The following EDARADD variants were observed in gnomAD, a reference collection of about 807,000 sequenced individuals.
The protein encoded by EDARADD is ectodysplasin-A receptor-associated adapter protein.
Under a neutral mutation model 25.6 loss-of-function variants are expected in EDARADD, and 20 were observed. The observed-to-expected ratio is 0.78, with a 90% confidence interval of 0.55 to 1.14. The LOEUF (loss-of-function observed/expected upper bound fraction) is 1.14. Among genes scored for constraint, EDARADD ranks in the 50% most tolerant of loss-of-function variants. EDARADD has a pLI of 0.00. For synonymous variants in EDARADD, 86 were observed against 94.4 expected (o/e 0.91, Z 0.52); for missense variants, 225 against 270.1 (o/e 0.83, Z 1.17).
At chr1:236,405,866 CTTCCTTCCTTCTTTCTTTCTTTCTTTCT>C (rs1667716415) in intron 1 of EDARADD, among the ~76,000 whole-genome samples, 1 of 40,800 alleles carries the variant, frequency 2.5e-5, no homozygotes, top group African/African-American at 1.2e-4. Flanking sequence ...TCCTTCCTTC[CTTCCTTCCTTCTTTCTTTCTTTCTTTCT>C]TTCTTTCTTT....
At chr1:236,356,936 T>C (rs911642333) in intron 3 of EDARADD, among the ~76,000 whole-genome samples, 8 of 151,846 alleles carry the variant, frequency 5.3e-5, no homozygotes, top group African/African-American at 1.4e-4. Flanking sequence ...ATACAAAAAT[T>C]AGCCGGGCAT....
chr1:236,465,322 G>C (rs1030269966), intron 4 of EDARADD, among the ~76,000 whole-genome samples: 3 of 152,156 alleles, frequency 2.0e-5, no homozygotes, highest in African/African-American at 7.2e-5. Flanking sequence ...CCGGAATGAC[G>C]TCCAGCTCCT....
intron 3 of EDARADD, among the ~76,000 whole-genome samples, chr1:236,363,006 A>AAATATATATATATAT (rs1377112051): frequency 5.1e-4 from 22 of 42,934 alleles, no homozygotes; most frequent in African/African-American, 1.0e-3. Flanking sequence ...AAAAAAAAAA[A>AAATATATATATATAT]ATATATATAT....
chr1:236,459,376 C>T (rs2103031143), intron 4 of EDARADD, among the ~76,000 whole-genome samples: 1 of 152,198 alleles, frequency 6.6e-6, no homozygotes, highest in Non-Finnish European at 1.5e-5. Flanking sequence ...ATCTTTGAAA[C>T]CATAGCAAAG....
intron 3 of EDARADD, among the ~76,000 whole-genome samples, chr1:236,423,231 G>T (rs564151178): frequency 2.3e-4 from 35 of 152,014 alleles, no homozygotes; most frequent in Admixed American, 5.3e-4. Context: ...GAAATATGTT[G>T]CCACCAGAAC....
At chr1:236,470,045 C>T (rs1348921227) in intron 5 of EDARADD, among the ~76,000 whole-genome samples, 1 of 152,168 alleles carries the variant, frequency 6.6e-6, no homozygotes, top group Non-Finnish European at 1.5e-5. Context: ...CCTCCTCCCA[C>T]CTCAGCCATC....
intron 3 of EDARADD, among the ~76,000 whole-genome samples, chr1:236,418,823 C>T (rs603579): frequency 0.52 from 78,418 of 151,958 alleles, 20,789 homozygotes; most frequent in Non-Finnish European, 0.59. Flanking sequence ...GTCCCTGTTC[C>T]CACGGGAAAC....
chr1:236,362,398 T>C (rs938629544), intron 3 of EDARADD, among the ~76,000 whole-genome samples: 12 of 152,212 alleles, frequency 7.9e-5, no homozygotes, highest in African/African-American at 2.2e-4. Flanking sequence ...TTGTGCTGTT[T>C]GTTTTCTTAT....
In EDARADD at chr1:236,366,933, C is replaced by T. The variant is rs571273752; in HGVS notation, c.-6+16094C>T. Among the ~76,000 whole-genome samples the T allele has an allele frequency of 1.0e-3, 157 of 151,704 alleles. 1 individual carries two copies. Among genetic ancestry groups the T allele is most frequent in the Middle Eastern group, 3.4e-3 (1 of 294 alleles). Reference sequence around the variant, plus strand: ...CACTACTAAAAATACAAAAATTAGCCGGGCATGGTGGCACGCACCAGTAGT... The same window carrying T: ...CACTACTAAAAATACAAAAATTAGCTGGGCATGGTGGCACGCACCAGTAGT... On this transcript the variant is annotated intron_variant, in intron 3 of 7. Coordinates refer to the EDARADD transcript ENST00000439430.
At chr1:236,458,879 C>T (rs1658958298) in intron 4 of EDARADD, among the ~76,000 whole-genome samples, 1 of 151,950 alleles carries the variant, frequency 6.6e-6, no homozygotes, top group South Asian at 2.1e-4. Flanking sequence ...TGAGCTCAGG[C>T]GATCTGCCTG....
chr1:236,360,543 T>G (rs1049720394), intron 3 of EDARADD, among the ~76,000 whole-genome samples: 4 of 80,640 alleles, frequency 5.0e-5, no homozygotes, highest in South Asian at 3.5e-4. Flanking sequence ...CACGGTTTTT[T>G]TTTTTTTTTT....
chr1:236,401,060 C>T (rs991033582), intron 1 of EDARADD, among the ~76,000 whole-genome samples: 1 of 152,064 alleles, frequency 6.6e-6, no homozygotes, highest in African/African-American at 2.4e-5. Flanking sequence ...TAGCTGGGCA[C>T]CTGTGATCTC....
intron 4 of EDARADD, among the ~76,000 whole-genome samples, chr1:236,435,506 A>G (rs1328798036): frequency 1.3e-5 from 2 of 152,188 alleles, no homozygotes; most frequent in African/African-American, 4.8e-5. Flanking sequence ...ATCGCTTCAC[A>G]TGTCGAGGAA....
chr1:236,408,801 T>C (rs1466701777), intron 1 of EDARADD, among the ~76,000 whole-genome samples: 1 of 152,070 alleles, frequency 6.6e-6, no homozygotes, highest in Non-Finnish European at 1.5e-5. Flanking sequence ...TCTCCCAGGC[T>C]GGAGTGCAGT....
At chr1:236,429,218 G>T (rs965520807) in intron 4 of EDARADD, among the ~76,000 whole-genome samples, 9 of 121,222 alleles carry the variant, frequency 7.4e-5, no homozygotes, top group African/African-American at 9.5e-5. Context: ...GAGAGGGAGA[G>T]ATTTTTTTTT....
In EDARADD at chr1:236,480,994, C is replaced by T. The variant is rs186929548; in HGVS notation, c.266-1273C>T. ...CACTGCACACACCCCAGGGTGTTGG[C>T]GCCACTTCAAAGGGAGCCTGTGGAT... is the stretch of plus-strand genomic sequence containing the variant. On this transcript the variant is annotated intron_variant, in intron 5 of 5. Transcript: ENST00000334232. Among the ~76,000 whole-genome samples the T allele has an allele frequency of 1.5e-3, 225 of 152,256 alleles. 1 individual carries two copies. Among genetic ancestry groups the T allele is most frequent in the Middle Eastern group, 3.4e-3 (1 of 294 alleles).
At chr1:236,389,484 G>A (rs538242116), upstream of EDARADD, among the ~76,000 whole-genome samples, 5 of 152,284 alleles carry the variant, frequency 3.3e-5, no homozygotes, top group South Asian at 1.0e-3. Context: ...TCCTGTGTGA[G>A]GAAGGGTATT....
At chr1:236,416,460 T>C (rs1207047970) in intron 3 of EDARADD, among the ~76,000 whole-genome samples, 1 of 152,202 alleles carries the variant, frequency 6.6e-6, no homozygotes, top group East Asian at 1.9e-4. Flanking sequence ...GATTTCCTGT[T>C]TTGAAAGAAA....
chr1:236,435,023 G>T (rs1196042863), intron 4 of EDARADD, among the ~76,000 whole-genome samples: 1 of 152,168 alleles, frequency 6.6e-6, no homozygotes, highest in Admixed American at 6.5e-5. Flanking sequence ...GGAGTTTGGG[G>T]TATGTGAGAT....
Sources: gnomAD v4.1 joint callset for allele counts (sites outside exome capture counted in the v4.1 genomes callset) on GRCh38, gnomAD v4.1.1 for gene constraint, MANE v1.5 for transcripts, NCBI Gene and HGNC (gene_info 2026-07-23, HGNC 2026-07-21) for gene names.